Variants in DPP10 observed in about 807,000 individuals in gnomAD.
The protein encoded by DPP10 is inactive dipeptidyl peptidase 10.
DPP10 carries 33 observed loss-of-function variants against 120.9 expected under a neutral mutation model. That is an observed-to-expected ratio of 0.27 (90% CI 0.21 to 0.37). DPP10 has a LOEUF of 0.37. Among genes scored for constraint, DPP10 ranks in the 10% least tolerant of loss-of-function variants. The pLI is 1.00. For missense variants in DPP10, 816 were observed against 942.8 expected (o/e 0.87, Z 1.76); for synonymous variants, 337 against 326.1 (o/e 1.03, Z -0.36).
intron 12 of DPP10, 43 bp downstream of exon 12, chr2:115,762,653 T>C: frequency 6.2e-7 from 1 of 1,605,684 alleles, no homozygotes; most frequent in Non-Finnish European, 8.5e-7. Context: ...ATTGTGACCA[T>C]CCTGTTCACC....
intron 5 of DPP10, among the ~76,000 whole-genome samples, chr2:115,546,056 A>G (rs1231029678): frequency 1.8e-4 from 28 of 152,124 alleles, no homozygotes; most frequent in Admixed American, 1.8e-3. Context: ...TAGATTTAGG[A>G]ATGACTGACC....
In DPP10 at chr2:115,286,016, TAATA is replaced by T. The variant is rs146276616; in HGVS notation, c.61-23216_61-23213del. Among the ~76,000 whole-genome samples, 1,031 of 152,140 alleles carry T rather than the reference TAATA, an allele frequency of 6.8e-3. 27 individuals are homozygous for T. The highest frequency in any genetic ancestry group is 0.062 in the East Asian group (322 of 5,158). ...TGTAGGGAAAGTTCTGCATTAGCTC[TAATA>T]AATAAAGTGTTCAGTTTTAAATCAT... On this transcript the variant is annotated intron_variant, in intron 1 of 25. Transcript: ENST00000410059.
intron 1 of DPP10, among the ~76,000 whole-genome samples, chr2:114,981,485 A>T (rs1266679748): frequency 6.6e-6 from 1 of 152,218 alleles, no homozygotes; most frequent in Non-Finnish European, 1.5e-5. Flanking sequence ...GTATGAGCCC[A>T]TATGATCGTA....
intron 1 of DPP10, among the ~76,000 whole-genome samples, chr2:114,825,703 T>C (rs543569831): frequency 6.6e-6 from 1 of 152,266 alleles, no homozygotes; most frequent in East Asian, 1.9e-4. Flanking sequence ...TAAAGAGACA[T>C]ATGCAATTTA....
intron 3 of DPP10, among the ~76,000 whole-genome samples, chr2:115,440,404 A>G (rs1310551562): frequency 6.6e-6 from 1 of 152,066 alleles, no homozygotes; most frequent in African/African-American, 2.4e-5. Flanking sequence ...TTTTCTAGAT[A>G]TTCCTTTTTT....
At chr2:115,233,200 G>A (rs1396226997) in intron 1 of DPP10, among the ~76,000 whole-genome samples, 4 of 128,376 alleles carry the variant, frequency 3.1e-5, no homozygotes, top group African/African-American at 5.8e-5. Context: ...TTGCAATTGT[G>A]TAGGTATATT....
intron 1 of DPP10, among the ~76,000 whole-genome samples, chr2:114,883,667 C>T (rs890977522): frequency 6.6e-6 from 1 of 152,118 alleles, no homozygotes; most frequent in African/African-American, 2.4e-5. Context: ...AGATGTGTAT[C>T]TACATTACTA....
chr2:115,795,854 A>T (rs893638907), intron 19 of DPP10, among the ~76,000 whole-genome samples: 2 of 152,074 alleles, frequency 1.3e-5, no homozygotes, highest in Non-Finnish European at 1.5e-5. Context: ...TGGATGACTG[A>T]ACTCTAACCT....
Position 115,791,569 on chromosome 2 carries a change from G to T in DPP10, c.1700+213G>T, listed in dbSNP as rs986122977. On this transcript the variant is annotated intron_variant, in intron 19 of 25. Transcript: ENST00000410059. ...TTGAACTTCTTGCATCCCACATGGAGTTTGGTGCTACTGCCAGGAATAGTG... is the reference window on the plus strand; with the variant it reads ...TTGAACTTCTTGCATCCCACATGGATTTTGGTGCTACTGCCAGGAATAGTG... Among the ~76,000 whole-genome samples the T allele has an allele frequency of 3.9e-5, 6 of 152,190 alleles. No individual in the cohort carries two copies. In the East Asian group the frequency reaches 9.6e-4, roughly 24 times the overall value.
At chr2:114,853,226 C>T (rs957651316) in intron 1 of DPP10, among the ~76,000 whole-genome samples, 1 of 152,068 alleles carries the variant, frequency 6.6e-6, no homozygotes, top group Non-Finnish European at 1.5e-5. Context: ...TGTTTTATAA[C>T]TTGATTGAGG....
intron 1 of DPP10, among the ~76,000 whole-genome samples, chr2:114,626,090 C>T (rs2105351786): frequency 6.6e-6 from 1 of 151,052 alleles, no homozygotes; most frequent in Admixed American, 6.6e-5. Context: ...CTCATCAATC[C>T]TTCATTTTTT....
At chr2:114,965,964 C>CAAAAAAAAAAAA (rs57107624) in intron 1 of DPP10, among the ~76,000 whole-genome samples, 25 of 74,814 alleles carry the variant, frequency 3.3e-4, no homozygotes, top group East Asian at 4.7e-4. Context: ...GACTCCTTCT[C>CAAAAAAAAAAAA]AAAAAAAAAA....
At chr2:115,053,030 G>A (rs990101934) in intron 1 of DPP10, among the ~76,000 whole-genome samples, 1 of 152,006 alleles carries the variant, frequency 6.6e-6, no homozygotes, top group Non-Finnish European at 1.5e-5. Context: ...TCATTATTGG[G>A]AGTATAAAAT....
Position 115,828,967 on chromosome 2 carries a change from G to T in DPP10, c.1951-7190G>T, listed in dbSNP as rs13430629. Among the ~76,000 whole-genome samples the T allele has an allele frequency of 7.9e-5, 12 of 152,156 alleles. No individual in the cohort carries two copies. In the South Asian group the frequency reaches 2.5e-3, roughly 32 times the overall value. The stretch of plus-strand genomic sequence containing the variant: ...CATACTAAAATTTTGCTATATTAAA[G>T]ATAGCAGTCTCTGTTCACACTTGTT... On this transcript the variant is annotated intron_variant, in intron 21 of 25. Coordinates refer to ENST00000410059, the MANE Select transcript of DPP10 (RefSeq NM_020868.6).
At chr2:114,800,583 TTA>T (rs1336200645) in intron 1 of DPP10, among the ~76,000 whole-genome samples, 2 of 152,186 alleles carry the variant, frequency 1.3e-5, no homozygotes, top group African/African-American at 2.4e-5. Flanking sequence ...ACTGGATGTA[TTA>T]TATCATCTCA....
intron 1 of DPP10, among the ~76,000 whole-genome samples, chr2:114,597,212 G>T (rs1691986217): frequency 6.6e-6 from 1 of 152,020 alleles, no homozygotes; most frequent in Non-Finnish European, 1.5e-5. Context: ...GTGAAATAAT[G>T]CAGACAAAAA....
intron 1 of DPP10, among the ~76,000 whole-genome samples, chr2:114,640,649 G>C (rs1014138106): frequency 2.0e-5 from 3 of 151,812 alleles, no homozygotes; most frequent in African/African-American, 7.3e-5. Flanking sequence ...GCAGCCTGCT[G>C]TTCCTCGACA....
At chr2:115,193,761 C>T (rs764809462) in intron 1 of DPP10, among the ~76,000 whole-genome samples, 3 of 152,162 alleles carry the variant, frequency 2.0e-5, no homozygotes, top group Non-Finnish European at 2.9e-5. Context: ...GGCAATTTTC[C>T]TAACTCTATT....
At chr2:114,870,119 C>T (rs1210157372) in intron 1 of DPP10, among the ~76,000 whole-genome samples, 1 of 152,172 alleles carries the variant, frequency 6.6e-6, no homozygotes, top group African/African-American at 2.4e-5. Context: ...ACAAAAAATA[C>T]TGCCTCTCTG....
Sources: allele counts gnomAD v4.1 joint callset (sites outside exome capture counted in the v4.1 genomes callset), GRCh38; gene constraint gnomAD v4.1.1; transcripts MANE v1.5; gene names NCBI Gene and HGNC (gene_info 2026-07-23, HGNC 2026-07-21).